GRIN2A: variants seen among roughly 807,000 people sequenced by gnomAD.
The protein encoded by GRIN2A is glutamate ionotropic receptor NMDA type subunit 2A.
In GRIN2A, 22 loss-of-function variants were observed where a neutral mutation model predicts 113.4. The ratio of observed to expected loss-of-function variants is 0.19; its 90% CI spans 0.14 to 0.28. GRIN2A has a LOEUF of 0.28. Among genes scored for constraint, GRIN2A ranks in the 10% least tolerant of loss-of-function variants. The pLI is 1.00. For synonymous variants in GRIN2A, 827 were observed against 738.4 expected (o/e 1.12, Z -1.94); for missense variants, 1,502 against 1,887.0 (o/e 0.80, Z 3.78).
At chr16:10,063,519 T>C (rs937622589) in intron 2 of GRIN2A, among the ~76,000 whole-genome samples, 16 of 152,152 alleles carry the variant, frequency 1.1e-4, no homozygotes, top group Admixed American at 3.3e-4. Context: ...ATTCTCTCCT[T>C]CTTTAACATG....
intron 2 of GRIN2A, among the ~76,000 whole-genome samples, chr16:10,032,363 A>T (rs1275760952): frequency 1.3e-5 from 2 of 152,180 alleles, no homozygotes. Context: ...GATTTTTTTT[A>T]AATGTGGGTC....
chr16:10,120,267 AC>A (rs2048808525), intron 2 of GRIN2A, among the ~76,000 whole-genome samples: 1 of 152,166 alleles, frequency 6.6e-6, no homozygotes, highest in Non-Finnish European at 1.5e-5. Context: ...ATGGACTGCT[AC>A]CTGCATTTAG....
chr16:10,051,577 T>C (rs896953324), intron 2 of GRIN2A, among the ~76,000 whole-genome samples: 2 of 152,342 alleles, frequency 1.3e-5, no homozygotes, highest in South Asian at 2.1e-4. Context: ...TAATTCTGCC[T>C]TGCATGTGTG....
chr16:9,825,019 G>C (rs2042359677), intron 9 of GRIN2A, among the ~76,000 whole-genome samples: 1 of 152,060 alleles, frequency 6.6e-6, no homozygotes, highest in African/African-American at 2.4e-5. Context: ...CTTTAGCAAA[G>C]GAAGGGGTAG....
chr16:10,134,950 T>G (rs1002252876), intron 2 of GRIN2A, among the ~76,000 whole-genome samples: 1 of 151,702 alleles, frequency 6.6e-6, no homozygotes, highest in African/African-American at 2.4e-5. Context: ...AAAAAAAAAC[T>G]GTTCAGCCAT....
rs771113247 is a variant in GRIN2A, at chr16:9,938,055, G to T, written c.911C>A (p.Ser304Tyr). Reference protein sequence around the residue: ...DGIGILTTAASSMLEKFSYIP... With the variant: ...DGIGILTTAAYSMLEKFSYIP... The stretch of plus-strand genomic sequence containing the variant: ...GTAGGAGAACTTCTCCAGCATAGAA[G>T]ATGCAGCGGTGGTTAGGATGCCAAT... Residue 304 changes from serine (S) to tyrosine (Y), a missense_variant, in exon 3 of 13, where the codon TCT (serine) becomes TAT (tyrosine). Physicochemically the swap from Ser to Tyr is moderately radical, Grantham distance 144. Around this residue, in one of 7 missense-constraint regions of GRIN2A, gnomAD observed 334 missense variants for 403.0 expected, o/e 0.83. Coordinates refer to ENST00000330684, the MANE Select transcript of GRIN2A (RefSeq NM_001134407.3). The T allele has an allele frequency of 6.2e-7, 1 of 1,614,108 alleles. No individual in the cohort carries two copies. The highest frequency in any genetic ancestry group is 8.5e-7 in the Non-Finnish European group (1 of 1,179,986).
At chr16:10,144,920 C>CAAAAAAAAA (rs58751267) in intron 2 of GRIN2A, among the ~76,000 whole-genome samples, 3 of 59,392 alleles carry the variant, frequency 5.1e-5, no homozygotes, top group Non-Finnish European at 6.0e-5. Flanking sequence ...GACCCTGTCT[C>CAAAAAAAAA]AAAAAAAAAA....
At chr16:10,050,450 G>A (rs2047338683) in intron 2 of GRIN2A, among the ~76,000 whole-genome samples, 1 of 152,038 alleles carries the variant, frequency 6.6e-6, no homozygotes, top group Non-Finnish European at 1.5e-5. Flanking sequence ...ATAAGTGGCA[G>A]CATTAGAATC....
intron 4 of GRIN2A, among the ~76,000 whole-genome samples, chr16:9,889,564 T>G (rs2043651934): frequency 6.6e-6 from 1 of 152,340 alleles, no homozygotes; most frequent in South Asian, 2.1e-4. Context: ...TGACACTGAA[T>G]TCACACTTTC....
chr16:10,163,430 C>T (rs907379140), intron 2 of GRIN2A, among the ~76,000 whole-genome samples: 1 of 152,164 alleles, frequency 6.6e-6, no homozygotes, highest in African/African-American at 2.4e-5. Context: ...CATCCTGTGT[C>T]CTTTTCTAAA....
chr16:9,795,601 G>A (rs1902933183), intron 11 of GRIN2A, among the ~76,000 whole-genome samples: 1 of 152,126 alleles, frequency 6.6e-6, no homozygotes, highest in South Asian at 2.1e-4. Context: ...CCCCTTTTCT[G>A]TAACTACAAT....
At chr16:10,151,717 A>G (rs2049579326) in intron 2 of GRIN2A, among the ~76,000 whole-genome samples, 2 of 152,180 alleles carry the variant, frequency 1.3e-5, no homozygotes, top group Non-Finnish European at 2.9e-5. Flanking sequence ...TTGTCCAGTA[A>G]TTTCAGCTTT....
chr16:9,859,373 G>T (rs1366278768), intron 4 of GRIN2A, among the ~76,000 whole-genome samples: 2 of 152,022 alleles, frequency 1.3e-5, no homozygotes, highest in African/African-American at 4.8e-5. Context: ...ATACATAAGT[G>T]TCCAGTGAAT....
intron 10 of GRIN2A, among the ~76,000 whole-genome samples, chr16:9,821,784 T>A (rs2042289748): frequency 6.6e-6 from 1 of 152,198 alleles, no homozygotes; most frequent in African/African-American, 2.4e-5. Context: ...GTAACTTGAA[T>A]GATTTGAGTT....
chr16:10,015,491 C>A (rs984983414), intron 2 of GRIN2A, among the ~76,000 whole-genome samples: 3 of 150,826 alleles, frequency 2.0e-5, no homozygotes, highest in Non-Finnish European at 4.4e-5. Flanking sequence ...TTCACTCAGG[C>A]AAAATAATAA....
chr16:10,163,827 G>GC (rs1444325867), intron 2 of GRIN2A, among the ~76,000 whole-genome samples: 4 of 152,224 alleles, frequency 2.6e-5, no homozygotes, highest in African/African-American at 7.2e-5. Flanking sequence ...TCATTTTACT[G>GC]CCCCCTGCCA....
At chr16:9,802,189 C>G (rs991865444) in intron 10 of GRIN2A, among the ~76,000 whole-genome samples, 1 of 152,124 alleles carries the variant, frequency 6.6e-6, no homozygotes, top group African/African-American at 2.4e-5. Context: ...ACTGGGTATA[C>G]ACCCAAAGGA....
chr16:9,956,441 T>C (rs2045312550), intron 2 of GRIN2A, among the ~76,000 whole-genome samples: 2 of 152,196 alleles, frequency 1.3e-5, no homozygotes, highest in South Asian at 2.1e-4. Flanking sequence ...TTCACAGGAA[T>C]GACAAATAGT....
At chr16:10,030,029 T>C (rs1200332496) in intron 2 of GRIN2A, among the ~76,000 whole-genome samples, 2 of 151,836 alleles carry the variant, frequency 1.3e-5, no homozygotes, top group African/African-American at 2.4e-5. Context: ...AAAGTATATA[T>C]ATACAAAAAG....
Sources: gnomAD v4.1 joint callset for allele counts (sites outside exome capture counted in the v4.1 genomes callset) on GRCh38, gnomAD v4.1.1 for gene constraint, gnomAD v4.1.1 regional missense constraint, MANE v1.5 for transcripts, NCBI Gene and HGNC (gene_info 2026-07-23, HGNC 2026-07-21) for gene names.